The following SLC6A3 variants were observed in gnomAD, a reference collection of about 807,000 sequenced individuals.
SLC6A3 encodes the protein sodium-dependent dopamine transporter.
In SLC6A3, 19 loss-of-function variants were observed where a neutral mutation model predicts 70.4. The observed-to-expected ratio is 0.27, with a 90% CI of 0.19 to 0.40. The LOEUF is 0.40. Among genes scored for constraint, SLC6A3 ranks in the 10% least tolerant of loss-of-function variants. The pLI is 1.00. For missense variants in SLC6A3, 613 were observed against 838.5 expected, an observed-to-expected ratio of 0.73 and a Z score of 3.32; for synonymous variants, 368 against 356.6, an observed-to-expected ratio of 1.03 and a Z score of -0.36.
chr5:1,416,888 C>T (rs1439544792), intron 6 of SLC6A3, among the ~76,000 whole-genome samples: 2 of 152,212 alleles, frequency 1.3e-5, no homozygotes, highest in South Asian at 2.1e-4. Context: ...TAACAACCCT[C>T]GGAACAGCAC....
In SLC6A3 at chr5:1,408,596, G is replaced by A. The variant is rs1353519418; in HGVS notation, c.1498+430C>T. 2.0e-5 allele frequency among the ~76,000 whole-genome samples: 3 copies of A among 152,208 alleles called. No homozygotes were observed. Among genetic ancestry groups the A allele is most frequent in the Admixed American group, 6.5e-5 (1 of 15,280 alleles). On this transcript the variant is annotated intron_variant, in intron 11 of 14. Transcript: ENST00000270349. This position sits in a 1 kb window ranked among gnomAD's most constrained non-coding sequence, Gnocchi z 6.4. ...CACAATGGGCCAGGAGCTGCACCCC[G>A]TTCGAGCGCCGCCCGCTGATCATCA...
intron 4 of SLC6A3, among the ~76,000 whole-genome samples, chr5:1,431,695 C>T (rs1412091794): frequency 6.7e-6 from 1 of 148,280 alleles, no homozygotes; most frequent in Non-Finnish European, 1.5e-5. Flanking sequence ...GTGGTTTGTG[C>T]CTGGCTGGGG....
chr5:1,411,831 C>CACATACCATGCA lies in SLC6A3; in HGVS notation c.1157-488_1157-477dup, dbSNP rs2126345244. ...ACCATGCAACATACACACTCAGACA[C>CACATACCATGCA]ACATACCATGCAACATACACACTCA... On this transcript the variant is annotated intron_variant, in intron 8 of 14. Transcript: ENST00000270349. This position sits in a 1 kb window ranked among gnomAD's most constrained non-coding sequence, Gnocchi z 6.5. Among the ~76,000 whole-genome samples, 1 of 151,108 alleles carries CACATACCATGCA rather than the reference C, an allele frequency of 6.6e-6. No homozygotes were observed. The highest frequency in any genetic ancestry group is 1.5e-5 in the Non-Finnish European group (1 of 67,610).
At position 1,432,472 on chromosome 5, in the gene SLC6A3, C is replaced by G; in HGVS notation, c.645G>C (p.Glu215Asp). The G allele has an allele frequency of 6.2e-7, 1 of 1,613,562 alleles. No homozygotes were observed. The highest frequency in any genetic ancestry group is 8.5e-7 in the Non-Finnish European group (1 of 1,179,434). ...NDTFGTTPAA[E>D]YFERGVLHLH... ...ACCCGACTCCCACTTACTCAAAGTACTCGGCAGCAGGTGTGGTCCCAAAAG... is the reference window on the plus strand; with the variant it reads ...ACCCGACTCCCACTTACTCAAAGTAGTCGGCAGCAGGTGTGGTCCCAAAAG... The change falls in exon 4 of 15, where the codon GAG becomes GAC. Residue 215 changes from glutamate to aspartate, a missense_variant. Around this residue, in one of 4 missense-constraint regions of SLC6A3, gnomAD observed 153 missense variants for 249.4 expected, o/e 0.61. Coordinates refer to ENST00000270349, the MANE Select transcript of SLC6A3 (RefSeq NM_001044.5).
chr5:1,440,213 G>A (rs993359720), intron 3 of SLC6A3, among the ~76,000 whole-genome samples: 1 of 152,162 alleles, frequency 6.6e-6, no homozygotes, highest in African/African-American at 2.4e-5. Flanking sequence ...ATGGATAACA[G>A]ATGGATGAAT....
At chr5:1,418,629 C>T (rs151287716) in intron 6 of SLC6A3, among the ~76,000 whole-genome samples, 118 of 150,754 alleles carry the variant, frequency 7.8e-4, no homozygotes, top group Non-Finnish European at 1.4e-3. Flanking sequence ...CATCCATCAT[C>T]GATCCATCCA....
At position 1,406,989 on chromosome 5, in the gene SLC6A3, G is replaced by T. The variant is rs3776513; in HGVS notation, c.1499-701C>A. Among the ~76,000 whole-genome samples the T allele has an allele frequency of 0.15, 22,441 of 152,172 alleles. 1,919 individuals are homozygous for T. Among genetic ancestry groups the T allele is most frequent in the Non-Finnish European group, 0.2 (13,713 of 67,978 alleles). Reference sequence around the variant, plus strand: ...CAGCATTCCCTTTTGTTTTAAGGCCGAATCATATTCCGTCATGAGTATACC... The same window carrying T: ...CAGCATTCCCTTTTGTTTTAAGGCCTAATCATATTCCGTCATGAGTATACC... On this transcript the variant is annotated intron_variant, in intron 11 of 14. Transcript: ENST00000270349. The surrounding 1 kb of genome is among the most constrained non-coding windows in gnomAD (Gnocchi z 8.8).
At chr5:1,398,568 C>T (rs182622478) in intron 14 of SLC6A3, among the ~76,000 whole-genome samples, 63 of 152,248 alleles carry the variant, frequency 4.1e-4, no homozygotes, top group Non-Finnish European at 8.5e-4. Context: ...AATGGATTAA[C>T]CTGTCCAACT....
chr5:1,400,870 T>C (rs1405857609), intron 14 of SLC6A3, 45 bp downstream of exon 14: 3 of 1,440,340 alleles, frequency 2.1e-6, no homozygotes, highest in Non-Finnish European at 2.9e-6. Context: ...CTTGGGATCA[T>C]TCTGAATTCC....
chr5:1,416,527 C>T (rs1756295142), intron 6 of SLC6A3: 1 of 475,532 alleles, frequency 2.1e-6, no homozygotes, highest in Non-Finnish European at 3.9e-6. Flanking sequence ...CTCATCCACA[C>T]ACGGCATGAC....
rs187884410 is a variant in SLC6A3 at position 1,422,887 on chromosome 5, G to A, written c.654-873C>T. The stretch of plus-strand genomic sequence containing the variant: ...CTGCCCATGGTGCTGGGTGCCCACC[G>A]CTGCCCACAGTGCTGCCCATGGTGC... On this transcript the variant is annotated intron_variant, in intron 4 of 14. Transcript: ENST00000270349. 2.4e-4 allele frequency among the ~76,000 whole-genome samples: 12 copies of A among 49,832 alleles called. 1 individual carries two copies. The highest frequency in any genetic ancestry group is 1.3e-3 in the East Asian group (1 of 798). 32.7% of individuals were successfully genotyped at this position (49,832 alleles called of 152,430 possible). A position where few individuals can be genotyped will look rare whatever the true frequency, so the allele number is the denominator to read the frequency against.
At position 1,408,176 on chromosome 5, in the gene SLC6A3, A is replaced by G. The variant is rs1425014821; in HGVS notation, c.1498+850T>C. 6.7e-6 allele frequency among the ~76,000 whole-genome samples: 1 copy of G among 149,456 alleles called. No individual in the cohort carries two copies. Among genetic ancestry groups the G allele is most frequent in the African/African-American group, 2.5e-5 (1 of 40,344 alleles). Reference sequence around the variant, plus strand: ...TACAGCCTCCTGACTAGCTGGGATTATAGCCTTGTGCCACCACACCCGGCT... The same window carrying G: ...TACAGCCTCCTGACTAGCTGGGATTGTAGCCTTGTGCCACCACACCCGGCT... On this transcript the variant is annotated intron_variant, in intron 11 of 14. Transcript: ENST00000270349. The surrounding 1 kb of genome is among the most constrained non-coding windows in gnomAD (Gnocchi z 6.4).
At chr5:1,439,330 G>A (rs972489679) in intron 3 of SLC6A3, among the ~76,000 whole-genome samples, 2 of 135,704 alleles carry the variant, frequency 1.5e-5, no homozygotes, top group African/African-American at 5.3e-5. Flanking sequence ...GGGTGGGGGT[G>A]GGGGTGGGGG....
intron 4 of SLC6A3, among the ~76,000 whole-genome samples, chr5:1,431,091 G>C (rs1195145771): frequency 6.6e-6 from 1 of 152,222 alleles, no homozygotes; most frequent in African/African-American, 2.4e-5. Context: ...CCAAAATGAC[G>C]GCTGAGTCGA....
rs1399306305 is a variant in SLC6A3, at chr5:1,397,266, A to C, written c.1840-2508T>G. On this transcript the variant is annotated intron_variant, in intron 14 of 14. Coordinates refer to ENST00000270349, the MANE Select transcript of SLC6A3 (RefSeq NM_001044.5). This position sits in a 1 kb window ranked among gnomAD's most constrained non-coding sequence, Gnocchi z 4.7. ...ATCTGGCCACAAAACATATCCAGAG[A>C]GGAAAAATAAAAAGAAACCAAATTA... Among the ~76,000 whole-genome samples the C allele has an allele frequency of 6.6e-6, 1 of 152,192 alleles. No homozygotes were observed. The highest frequency in any genetic ancestry group is 1.5e-5 in the Non-Finnish European group (1 of 68,030).
intron 3 of SLC6A3, among the ~76,000 whole-genome samples, chr5:1,439,277 T>C (rs1046071903): frequency 7.8e-6 from 1 of 128,696 alleles, no homozygotes; most frequent in Non-Finnish European, 1.6e-5. Context: ...CTGGCACCAG[T>C]GCATGCCCAA....
rs1323265428 is a variant in SLC6A3 at position 1,442,645 on chromosome 5, G to A, written c.286+267C>T. 2.0e-5 allele frequency among the ~76,000 whole-genome samples: 3 copies of A among 151,898 alleles called. No homozygotes were observed. The highest frequency in any genetic ancestry group is 2.9e-5 in the Non-Finnish European group (2 of 67,966). On this transcript the variant is annotated intron_variant, in intron 2 of 14. Transcript: ENST00000270349. This position sits in a 1 kb window ranked among gnomAD's most constrained non-coding sequence, Gnocchi z 5.0. ...ACAGGAGGCAGAGCCAAGCTGCCCC[G>A]TCTGCCGCCCCCCACCCCCCAGCTT...
At position 1,415,048 on chromosome 5, in the gene SLC6A3, C is replaced by T. The variant is rs916208176; in HGVS notation, c.1032-233G>A. Among the ~76,000 whole-genome samples, 3 of 152,112 alleles carry T rather than the reference C, an allele frequency of 2.0e-5. No homozygotes were observed. The East Asian group carries it at 5.8e-4, about 29-fold the overall frequency. On this transcript the variant is annotated intron_variant, in intron 7 of 14. Coordinates refer to ENST00000270349, the MANE Select transcript of SLC6A3 (RefSeq NM_001044.5). ...CTCAGCCATCAAGGCTCAGGGTGGG[C>T]AGAACAGACGGCCACCCCTGTGCCC...
At chr5:1,410,251 G>T (rs1560910287) in intron 9 of SLC6A3, among the ~76,000 whole-genome samples, 1 of 152,302 alleles carries the variant, frequency 6.6e-6, no homozygotes, top group African/African-American at 2.4e-5. Flanking sequence ...CATTGGCTAC[G>T]CCTTCCCGAC....
Sources: allele counts gnomAD v4.1 joint callset (sites outside exome capture counted in the v4.1 genomes callset), GRCh38; gene constraint gnomAD v4.1.1; regional missense constraint gnomAD v4.1.1; non-coding constraint Gnocchi (gnomAD v3.1); transcripts MANE v1.5; gene names NCBI Gene and HGNC (gene_info 2026-07-23, HGNC 2026-07-21).